Variants in WWC1 observed in about 807,000 individuals in gnomAD.
WWC1 encodes WW and C2 domain containing 1.
A neutral mutation model predicts 138.4 loss-of-function variants in WWC1; 55 were observed. The observed-to-expected ratio is 0.40, with a 90% CI of 0.32 to 0.50. The LOEUF is 0.50. Among genes scored for constraint, WWC1 ranks in the 20% least tolerant of loss-of-function variants. WWC1 has a pLI of 0.72. For synonymous variants in WWC1, 524 were observed against 564.9 expected, an observed-to-expected ratio of 0.93 and a Z score of 1.03; for missense variants, 1,226 against 1,420.4, an observed-to-expected ratio of 0.86 and a Z score of 2.20.
rs544766337 is a variant in WWC1, at chr5:168,381,213, A to T, written c.230-3998A>T. ...AGCCACAAAAAATGGTCGCCAAGCC[A>T]CCTGGCTTGGCCAGACCTTCAGGTA... is the stretch of plus-strand genomic sequence containing the variant. On this transcript the variant is annotated intron_variant, in intron 2 of 22. Coordinates refer to ENST00000265293, the MANE Select transcript of WWC1 (RefSeq NM_015238.3). 6.8e-4 allele frequency among the ~76,000 whole-genome samples: 103 copies of T among 152,224 alleles called. 1 individual carries two copies. Among genetic ancestry groups the T allele is most frequent in the African/African-American group, 2.4e-3 (100 of 41,534 alleles).
At chr5:168,368,503 A>G (rs1377205741) in intron 1 of WWC1, among the ~76,000 whole-genome samples, 1 of 152,142 alleles carries the variant, frequency 6.6e-6, no homozygotes, top group Non-Finnish European at 1.5e-5. Context: ...TGTCTATATA[A>G]GATTCATACC....
chr5:168,337,807 C>G (rs1773623280), intron 1 of WWC1, among the ~76,000 whole-genome samples: 1 of 152,226 alleles, frequency 6.6e-6, no homozygotes, highest in African/African-American at 2.4e-5. Flanking sequence ...TAGGATGACT[C>G]AGTCACACAA....
At chr5:168,356,408 G>A (rs186985975) in intron 1 of WWC1, among the ~76,000 whole-genome samples, 1 of 152,338 alleles carries the variant, frequency 6.6e-6, no homozygotes, top group African/African-American at 2.4e-5. Context: ...CGCTCCCCTG[G>A]CCTCCAGGCT....
chr5:168,406,061 C>G (rs1779764363), intron 5 of WWC1, 137 bp from the exon 6 acceptor site: 3 of 1,121,528 alleles, frequency 2.7e-6, no homozygotes, highest in Non-Finnish European at 2.5e-6. Context: ...CAAGTGGGAC[C>G]TAGGGAGGAA....
intron 1 of WWC1, among the ~76,000 whole-genome samples, chr5:168,331,762 C>A (rs1220247637): frequency 6.6e-6 from 1 of 152,120 alleles, no homozygotes; most frequent in African/African-American, 2.4e-5. Context: ...GAAAAACTTT[C>A]TTTGACATCT....
At chr5:168,397,298 A>C (rs1778975963) in intron 3 of WWC1, among the ~76,000 whole-genome samples, 1 of 151,986 alleles carries the variant, frequency 6.6e-6, no homozygotes, top group Non-Finnish European at 1.5e-5. Context: ...GCCCACCACC[A>C]TGCCCAGCTA....
Position 168,424,035 on chromosome 5 carries a change from G to A in WWC1, c.1777G>A (p.Glu593Lys). ...CGCCCAGGAAAGATACCGGCTGGAGGAACCAGGAACGGAGGGCAAGCAGCT... is the reference window on the plus strand; with the variant it reads ...CGCCCAGGAAAGATACCGGCTGGAGAAACCAGGAACGGAGGGCAAGCAGCT... ...NSAQERYRLE[E>K]PGTEGKQLGQ... Residue 593 changes from glutamate (E) to lysine (K), a missense_variant, in exon 11 of 23, where the codon GAA (glutamate) becomes AAA (lysine). Coordinates refer to ENST00000265293, the MANE Select transcript of WWC1 (RefSeq NM_015238.3). 1.9e-6 allele frequency: 3 copies of A among 1,609,696 alleles called. No homozygotes were observed. The highest frequency in any genetic ancestry group is 2.5e-6 in the Non-Finnish European group (3 of 1,177,818).
intron 1 of WWC1, among the ~76,000 whole-genome samples, chr5:168,293,560 AT>A (rs1323835851): frequency 6.6e-6 from 1 of 152,218 alleles, no homozygotes; most frequent in East Asian, 1.9e-4. Context: ...ACTCAGCACC[AT>A]GCTGAATGTC....
At chr5:168,422,905 G>C (rs1162330663) in intron 10 of WWC1, among the ~76,000 whole-genome samples, 2 of 152,068 alleles carry the variant, frequency 1.3e-5, no homozygotes, top group African/African-American at 2.4e-5. Context: ...TACCACTTTG[G>C]GAGGCCGACG....
intron 3 of WWC1, among the ~76,000 whole-genome samples, chr5:168,389,463 AAAG>A (rs1392282132): frequency 2.0e-5 from 3 of 149,518 alleles, no homozygotes; most frequent in Non-Finnish European, 2.9e-5. Flanking sequence ...AAAAAAAAAA[AAAG>A]AAAGAAAAAA....
At chr5:168,321,812 C>T (rs997168500) in intron 1 of WWC1, among the ~76,000 whole-genome samples, 1 of 152,274 alleles carries the variant, frequency 6.6e-6, no homozygotes, top group Non-Finnish European at 1.5e-5. Context: ...GCTGGGATTA[C>T]AGGCGTGAGC....
intron 1 of WWC1, among the ~76,000 whole-genome samples, chr5:168,306,160 G>A (rs943536849): frequency 3.9e-5 from 6 of 152,192 alleles, no homozygotes; most frequent in African/African-American, 1.4e-4. Flanking sequence ...CACTTTGGGA[G>A]GCTGAGGTGG....
chr5:168,466,508 G>C (rs1179130532), intron 21 of WWC1, among the ~76,000 whole-genome samples: 1 of 152,240 alleles, frequency 6.6e-6, no homozygotes, highest in African/African-American at 2.4e-5. Flanking sequence ...GCTGAATACA[G>C]GTGGTGATGC....
At chr5:168,400,696 C>T (rs1489253505) in intron 5 of WWC1, among the ~76,000 whole-genome samples, 1 of 152,076 alleles carries the variant, frequency 6.6e-6, no homozygotes, top group African/African-American at 2.4e-5. Context: ...GGCCTGTAAT[C>T]CCAGCACTTT....
chr5:168,389,100 C>A (rs1316259588), intron 3 of WWC1, among the ~76,000 whole-genome samples: 1 of 151,954 alleles, frequency 6.6e-6, no homozygotes, highest in East Asian at 1.9e-4. Context: ...AAGAAGTTTC[C>A]AAAATTAAAA....
chr5:168,403,083 C>CTTTT (rs1338335235), intron 5 of WWC1, among the ~76,000 whole-genome samples: 2 of 100,448 alleles, frequency 2.0e-5, no homozygotes, highest in Admixed American at 1.1e-4. Flanking sequence ...TCTTTCTTTT[C>CTTTT]TTTCTTTTCT....
chr5:168,314,762 C>G (rs1347860210), intron 1 of WWC1, among the ~76,000 whole-genome samples: 1 of 152,092 alleles, frequency 6.6e-6, no homozygotes, highest in Non-Finnish European at 1.5e-5. Context: ...CAGGTGGGGA[C>G]AAGGAGCCAT....
intron 4 of WWC1, among the ~76,000 whole-genome samples, chr5:168,398,557 A>G (rs1486828113): frequency 6.6e-6 from 1 of 152,230 alleles, no homozygotes; most frequent in Non-Finnish European, 1.5e-5. Context: ...TAATTACTTC[A>G]TGATTACCTT....
chr5:168,341,199 T>A (rs1179710973), intron 1 of WWC1, among the ~76,000 whole-genome samples: 2 of 152,092 alleles, frequency 1.3e-5, no homozygotes, highest in African/African-American at 4.8e-5. Context: ...GGTAGACCAA[T>A]GGGCTATGGG....
Sources: allele counts gnomAD v4.1 joint callset (sites outside exome capture counted in the v4.1 genomes callset), GRCh38; gene constraint gnomAD v4.1.1; transcripts MANE v1.5; gene names NCBI Gene and HGNC (gene_info 2026-07-23, HGNC 2026-07-21).